Variants in NELL1 observed in about 807,000 individuals in gnomAD.
The protein encoded by NELL1 is neural EGFL like 1, also known as protein kinase C-binding protein NELL1.
NELL1 carries 76 observed loss-of-function variants against 107.4 expected under a neutral mutation model. The ratio of observed to expected loss-of-function variants is 0.71; its 90% CI spans 0.59 to 0.86. The LOEUF is 0.86. Among genes scored for constraint, NELL1 ranks in the 40% least tolerant of loss-of-function variants. The probability of loss-of-function intolerance (pLI) is 0.00; values close to 1 mark genes in which losing one functional copy is unlikely to be tolerated. For missense variants in NELL1, 1,024 were observed against 1,005.5 expected (o/e 1.02, Z -0.25); for synonymous variants, 353 against 341.2 (o/e 1.03, Z -0.38).
At chr11:21,401,371 GA>G (rs545933798) in intron 15 of NELL1, among the ~76,000 whole-genome samples, 26 of 151,896 alleles carry the variant, frequency 1.7e-4, no homozygotes, top group African/African-American at 5.8e-4. Flanking sequence ...GTTACTTTGA[GA>G]AATATGAAAT....
At chr11:21,337,750 TTC>T (rs1491207649) in intron 14 of NELL1, among the ~76,000 whole-genome samples, 2 of 134,850 alleles carry the variant, frequency 1.5e-5, no homozygotes, top group Non-Finnish European at 3.1e-5. Flanking sequence ...CTTTCTTTCT[TTC>T]TTTCTTTCTT....
intron 13 of NELL1, among the ~76,000 whole-genome samples, chr11:21,155,179 G>A (rs1856204989): frequency 6.6e-6 from 1 of 152,154 alleles, no homozygotes; most frequent in African/African-American, 2.4e-5. Context: ...CAGGGGGCTG[G>A]GTGGATGATG....
intron 2 of NELL1, among the ~76,000 whole-genome samples, chr11:20,757,488 T>C (rs1856323485): frequency 6.6e-6 from 1 of 152,244 alleles, no homozygotes; most frequent in South Asian, 2.1e-4. Flanking sequence ...CCTTTGGTGC[T>C]TATATATCCC....
intron 7 of NELL1, among the ~76,000 whole-genome samples, chr11:20,923,854 T>C (rs570666509): frequency 6.6e-6 from 1 of 152,326 alleles, no homozygotes; most frequent in South Asian, 2.1e-4. Context: ...TAGAAGCTTC[T>C]TTTTTCCTTT....
At chr11:20,674,581 T>A (rs760015741) in intron 1 of NELL1, 16 of 1,461,468 alleles carry the variant, frequency 1.1e-5, no homozygotes, top group Middle Eastern at 3.4e-4. Context: ...AGGCAGGTAT[T>A]AACGTTCCTA....
intron 3 of NELL1, among the ~76,000 whole-genome samples, chr11:20,787,640 T>A (rs1052806973): frequency 2.0e-5 from 3 of 152,240 alleles, no homozygotes; most frequent in Non-Finnish European, 4.4e-5. Context: ...TTCTCCCTTA[T>A]GTGATTCTGA....
intron 15 of NELL1, among the ~76,000 whole-genome samples, chr11:21,425,286 G>T (rs1852791633): frequency 7.6e-6 from 1 of 131,450 alleles, no homozygotes; most frequent in South Asian, 2.8e-4. Flanking sequence ...ACTGTGAATA[G>T]CCAAAAAAAA....
At chr11:21,274,330 A>G (rs1181920790) in intron 14 of NELL1, among the ~76,000 whole-genome samples, 3 of 152,206 alleles carry the variant, frequency 2.0e-5, no homozygotes, top group African/African-American at 7.2e-5. Context: ...AAAAGGATCA[A>G]TTCAACAAGA....
At chr11:21,370,432 T>G (rs1456781293) in intron 14 of NELL1, among the ~76,000 whole-genome samples, 1 of 152,038 alleles carries the variant, frequency 6.6e-6, no homozygotes, top group South Asian at 2.1e-4. Context: ...TTAAAGAACA[T>G]AAAAGTTTTT....
intron 2 of NELL1, among the ~76,000 whole-genome samples, chr11:20,715,264 C>T (rs1218002519): frequency 6.7e-6 from 1 of 148,726 alleles, no homozygotes; most frequent in Non-Finnish European, 1.5e-5. Flanking sequence ...CGCTTAATTC[C>T]TAGTGAGGAT....
chr11:20,771,453 T>G (rs1856638776), intron 2 of NELL1, among the ~76,000 whole-genome samples: 1 of 152,178 alleles, frequency 6.6e-6, no homozygotes, highest in Non-Finnish European at 1.5e-5. Context: ...CTAAATTACT[T>G]GTGTGTGAGA....
At chr11:21,074,823 C>T (rs1854097286) in intron 12 of NELL1, among the ~76,000 whole-genome samples, 1 of 152,076 alleles carries the variant, frequency 6.6e-6, no homozygotes, top group Admixed American at 6.6e-5. Context: ...GCAGGAGGCT[C>T]TTATATACTC....
At chr11:21,313,576 A>G (rs1034130040) in intron 14 of NELL1, among the ~76,000 whole-genome samples, 2 of 152,144 alleles carry the variant, frequency 1.3e-5, no homozygotes, top group African/African-American at 4.8e-5. Flanking sequence ...GATACTAGGT[A>G]GTTTATAAAG....
intron 14 of NELL1, among the ~76,000 whole-genome samples, chr11:21,261,813 T>A (rs144074957): frequency 5.9e-5 from 9 of 151,990 alleles, no homozygotes; most frequent in Non-Finnish European, 1.2e-4. Context: ...GGAAGATTAA[T>A]CCCTTGGAAA....
chr11:20,937,126 T>C (rs1323798266), intron 9 of NELL1, among the ~76,000 whole-genome samples: 1 of 152,240 alleles, frequency 6.6e-6, no homozygotes, highest in Admixed American at 6.5e-5. Context: ...GAAATGAGTT[T>C]CAGTGCAATC....
At chr11:21,265,862 C>T (rs1419240856) in intron 14 of NELL1, among the ~76,000 whole-genome samples, 1 of 151,964 alleles carries the variant, frequency 6.6e-6, no homozygotes, top group Non-Finnish European at 1.5e-5. Flanking sequence ...GGGTATTCTA[C>T]AAATTCTTAG....
intron 15 of NELL1, among the ~76,000 whole-genome samples, chr11:21,416,868 A>T (rs547858530): frequency 6.6e-6 from 1 of 152,126 alleles, no homozygotes; most frequent in African/African-American, 2.4e-5. Flanking sequence ...TCAGGAAAAC[A>T]ATTGGGTAAA....
chr11:21,458,722 T>G (rs1853815672), intron 15 of NELL1, among the ~76,000 whole-genome samples: 1 of 152,172 alleles, frequency 6.6e-6, no homozygotes, highest in African/African-American at 2.4e-5. Context: ...GAGCAATGCC[T>G]CAGCCTTGAC....
At chr11:20,751,147 T>G (rs1330951207) in intron 2 of NELL1, among the ~76,000 whole-genome samples, 2 of 152,158 alleles carry the variant, frequency 1.3e-5, no homozygotes, top group African/African-American at 2.4e-5. Flanking sequence ...TGGTAAATAC[T>G]GAAATCAGGC....
Sources: allele counts gnomAD v4.1 joint callset (sites outside exome capture counted in the v4.1 genomes callset), GRCh38; gene constraint gnomAD v4.1.1; transcripts MANE v1.5; gene names NCBI Gene and HGNC (gene_info 2026-07-23, HGNC 2026-07-21).